Variants in SPIDR observed in about 807,000 individuals in gnomAD.
SPIDR encodes DNA repair-scaffolding protein.
A neutral mutation model predicts 104.6 loss-of-function variants in SPIDR; 93 were observed. That is an observed-to-expected ratio of 0.89 (90% CI 0.75 to 1.06). SPIDR has a LOEUF of 1.06. Ranked by LOEUF, SPIDR falls within the 50% of genes least tolerant of loss-of-function variation. The probability of loss-of-function intolerance (pLI) is 0.00; values close to 1 mark genes in which losing one functional copy is unlikely to be tolerated. For synonymous variants in SPIDR, 431 were observed against 416.9 expected (o/e 1.03, Z -0.41); for missense variants, 1,154 against 1,111.2 (o/e 1.04, Z -0.55).
intron 7 of SPIDR, among the ~76,000 whole-genome samples, chr8:47,434,220 C>T (rs1585642057): frequency 6.6e-6 from 1 of 152,064 alleles, no homozygotes; most frequent in South Asian, 2.1e-4. Context: ...AGGTCCTGTC[C>T]ACATGGGAAG....
chr8:47,554,460 C>T (rs1163493987), intron 8 of SPIDR, among the ~76,000 whole-genome samples: 2 of 152,230 alleles, frequency 1.3e-5, no homozygotes, highest in African/African-American at 4.8e-5. Context: ...GCAGACGTCC[C>T]TCCCCCAGCC....
Position 47,284,033 on chromosome 8 carries a change from A to T in SPIDR, c.195A>T (p.Leu65Phe). The change falls in exon 3 of 20, where the codon TTA becomes TTT. Residue 65 changes from leucine to phenylalanine, a missense_variant. Coordinates refer to ENST00000297423, the MANE Select transcript of SPIDR (RefSeq NM_001080394.4). The part of the protein sequence containing the change: ...GFQNTSGNPS[L>F]TAEEKTITEK... ...GATTATTATTTTGCCTACAGTCATT[A>T]ACAGCTGAAGAGAAGACGATTACAG... is the stretch of plus-strand genomic sequence containing the variant. 6.2e-7 allele frequency: 1 copy of T among 1,609,412 alleles called. No homozygotes were observed. The highest frequency in any genetic ancestry group is 1.1e-5 in the South Asian group (1 of 90,486).
At chr8:47,544,650 C>T (rs894240927) in intron 8 of SPIDR, among the ~76,000 whole-genome samples, 3 of 152,204 alleles carry the variant, frequency 2.0e-5, no homozygotes, top group African/African-American at 7.2e-5. Flanking sequence ...TGTCAAAAAT[C>T]ACATAGATCT....
intron 19 of SPIDR, among the ~76,000 whole-genome samples, chr8:47,733,416 A>ATTT (rs2085598068): frequency 6.6e-6 from 1 of 152,186 alleles, no homozygotes; most frequent in South Asian, 2.1e-4. Context: ...TTTAAACTCC[A>ATTT]TTTACAGGAT....
intron 8 of SPIDR, among the ~76,000 whole-genome samples, chr8:47,460,172 A>G (rs1206835150): frequency 6.6e-6 from 1 of 152,038 alleles, no homozygotes; most frequent in Non-Finnish European, 1.5e-5. Context: ...GCATAGTTTA[A>G]ATCCATTGTT....
At chr8:47,565,588 A>G (rs930908228) in intron 8 of SPIDR, among the ~76,000 whole-genome samples, 2 of 151,990 alleles carry the variant, frequency 1.3e-5, no homozygotes, top group Non-Finnish European at 2.9e-5. Flanking sequence ...TTATCCCACT[A>G]TTATATTTAA....
At chr8:47,291,176 A>G in intron 4 of SPIDR, 39 bp downstream of exon 4, 4 of 1,403,830 alleles carry the variant, frequency 2.8e-6, no homozygotes, top group Non-Finnish European at 4.0e-6. Flanking sequence ...ATTTTGTAAC[A>G]GGAACATATT....
At chr8:47,277,667 C>A (rs1554555173) in intron 1 of SPIDR, among the ~76,000 whole-genome samples, 74 of 143,306 alleles carry the variant, frequency 5.2e-4, no homozygotes, top group South Asian at 1.3e-3. Flanking sequence ...TGTGTTTAAC[C>A]TCTTTTTTTT....
rs926663643 is a variant in SPIDR, at chr8:47,588,301, A to G, written c.1098-7510A>G. On this transcript the variant is annotated intron_variant, in intron 8 of 19. Transcript: ENST00000297423. ...TCATTACATGTTTTGTGAGATTCAC[A>G]CTGACATGGGTTATTTTGGTCTTTT... 4.7e-5 allele frequency among the ~76,000 whole-genome samples: 7 copies of G among 149,032 alleles called. No homozygotes were observed. In the East Asian group the frequency reaches 1.2e-3, roughly 25 times the overall value.
At chr8:47,687,056 T>A (rs899341730) in intron 11 of SPIDR, among the ~76,000 whole-genome samples, 17 of 152,238 alleles carry the variant, frequency 1.1e-4, no homozygotes, top group Non-Finnish European at 7.3e-5. Context: ...TCATTACTTT[T>A]AGTAGTTTTC....
intron 10 of SPIDR, among the ~76,000 whole-genome samples, chr8:47,637,089 T>C (rs1270466352): frequency 6.6e-6 from 1 of 152,204 alleles, no homozygotes; most frequent in Non-Finnish European, 1.5e-5. Context: ...TTAACTAAAG[T>C]ATGTACTTTA....
intron 8 of SPIDR, among the ~76,000 whole-genome samples, chr8:47,477,475 C>G (rs1036229249): frequency 6.6e-6 from 1 of 152,182 alleles, no homozygotes; most frequent in Non-Finnish European, 1.5e-5. Flanking sequence ...AGATTACAGG[C>G]GTGAGCCACT....
intron 8 of SPIDR, among the ~76,000 whole-genome samples, chr8:47,594,056 A>C (rs2061370453): frequency 6.6e-6 from 1 of 151,936 alleles, no homozygotes; most frequent in Non-Finnish European, 1.5e-5. Flanking sequence ...TACTCGTTGC[A>C]GGCCTGTGGG....
intron 8 of SPIDR, among the ~76,000 whole-genome samples, chr8:47,545,229 C>G (rs1003947901): frequency 6.7e-6 from 1 of 150,140 alleles, no homozygotes; most frequent in Non-Finnish European, 1.5e-5. Flanking sequence ...CAAGCGATTT[C>G]CAGCCAATTT....
intron 10 of SPIDR, among the ~76,000 whole-genome samples, chr8:47,651,949 T>A (rs2071720404): frequency 6.6e-6 from 1 of 151,966 alleles, no homozygotes; most frequent in South Asian, 2.1e-4. Flanking sequence ...TACAGAGACT[T>A]AGATGGGGGA....
intron 3 of SPIDR, among the ~76,000 whole-genome samples, chr8:47,289,055 G>A (rs1404140963): frequency 1.3e-5 from 2 of 152,108 alleles, no homozygotes; most frequent in Non-Finnish European, 2.9e-5. Context: ...TGTCACTCGG[G>A]ATGGAGTGCT....
At chr8:47,351,925 T>C (rs1230371432) in intron 5 of SPIDR, among the ~76,000 whole-genome samples, 3 of 152,168 alleles carry the variant, frequency 2.0e-5, no homozygotes, top group Non-Finnish European at 4.4e-5. Context: ...GAGGGATAAC[T>C]GTATATTATA....
At chr8:47,588,068 T>C (rs1354489567) in intron 8 of SPIDR, among the ~76,000 whole-genome samples, 14 of 97,286 alleles carry the variant, frequency 1.4e-4, no homozygotes, top group East Asian at 6.2e-4. Context: ...TATATATATA[T>C]ATATATATAT....
intron 8 of SPIDR, among the ~76,000 whole-genome samples, chr8:47,504,038 C>A (rs1352072433): frequency 6.6e-6 from 1 of 152,174 alleles, no homozygotes; most frequent in African/African-American, 2.4e-5. Flanking sequence ...TTGTGGGTAA[C>A]CTCACCTTTC....
Sources: gnomAD v4.1 joint callset for allele counts (sites outside exome capture counted in the v4.1 genomes callset) on GRCh38, gnomAD v4.1.1 for gene constraint, MANE v1.5 for transcripts, NCBI Gene and HGNC (gene_info 2026-07-23, HGNC 2026-07-21) for gene names.